Variants in CACNG2 observed in about 807,000 individuals in gnomAD.
CACNG2 encodes the protein calcium voltage-gated channel auxiliary subunit gamma 2.
In CACNG2, 3 loss-of-function variants were observed where a neutral mutation model predicts 25.9. The ratio of observed to expected loss-of-function variants is 0.12; its 90% confidence interval spans 0.05 to 0.30. The LOEUF (loss-of-function observed/expected upper bound fraction) is 0.30. CACNG2 is among the 10% of genes least tolerant of loss of function. CACNG2 has a pLI of 1.00. For synonymous variants in CACNG2, 167 were observed against 173.3 expected, an observed-to-expected ratio of 0.96 and a Z score of 0.29; for missense variants, 341 against 432.5, an observed-to-expected ratio of 0.79 and a Z score of 1.88.
chr22:36,644,532 G>A (rs776480915), intron 1 of CACNG2, among the ~76,000 whole-genome samples: 2 of 152,168 alleles, frequency 1.3e-5, no homozygotes, highest in Non-Finnish European at 2.9e-5. Context: ...AGCAGATTGC[G>A]AAGACAAACT....
chr22:36,687,341 T>C (rs1405659164), intron 1 of CACNG2, among the ~76,000 whole-genome samples: 1 of 152,272 alleles, frequency 6.6e-6, no homozygotes, highest in South Asian at 2.1e-4. Context: ...TCAAATCTAA[T>C]CTTTCTTGAT....
intron 2 of CACNG2, among the ~76,000 whole-genome samples, chr22:36,568,127 C>T (rs920850236): frequency 6.6e-6 from 1 of 152,216 alleles, no homozygotes; most frequent in Non-Finnish European, 1.5e-5. Flanking sequence ...GGATTACAGG[C>T]TTGAGCCACC....
chr22:36,657,977 G>C (rs1936732992), intron 1 of CACNG2, among the ~76,000 whole-genome samples: 1 of 152,168 alleles, frequency 6.6e-6, no homozygotes, highest in South Asian at 2.1e-4. Context: ...GTGGGCACAG[G>C]CTTTGTGTCT....
At chr22:36,648,301 A>G (rs1439090679) in intron 1 of CACNG2, among the ~76,000 whole-genome samples, 1 of 152,276 alleles carries the variant, frequency 6.6e-6, no homozygotes, top group Non-Finnish European at 1.5e-5. Flanking sequence ...AAAAGAGCAT[A>G]TGCTCTGCAA....
At chr22:36,665,867 G>C (rs1377048412) in intron 1 of CACNG2, among the ~76,000 whole-genome samples, 1 of 152,178 alleles carries the variant, frequency 6.6e-6, no homozygotes, top group African/African-American at 2.4e-5. Context: ...CCACTTCTGG[G>C]TATCTACCCA....
chr22:36,572,234 T>G (rs1461954028), intron 2 of CACNG2, among the ~76,000 whole-genome samples: 1 of 152,158 alleles, frequency 6.6e-6, no homozygotes, highest in South Asian at 2.1e-4. Context: ...ACCAGCCCCA[T>G]GAAGCCATGG....
intron 1 of CACNG2, among the ~76,000 whole-genome samples, chr22:36,661,864 G>A (rs1936801070): frequency 6.7e-6 from 1 of 149,060 alleles, no homozygotes; most frequent in Non-Finnish European, 1.5e-5. Context: ...CTGAGCCTCA[G>A]TTTCTTCACC....
intron 1 of CACNG2, among the ~76,000 whole-genome samples, chr22:36,697,918 T>C (rs545776931): frequency 6.6e-6 from 1 of 152,328 alleles, no homozygotes; most frequent in African/African-American, 2.4e-5. Flanking sequence ...ATATTTTTTT[T>C]CTTTCCTATA....
intron 1 of CACNG2, among the ~76,000 whole-genome samples, chr22:36,629,433 A>G (rs946169183): frequency 6.6e-6 from 1 of 152,136 alleles, no homozygotes; most frequent in Non-Finnish European, 1.5e-5. Flanking sequence ...AAAGTGTTAC[A>G]TACAGTGAGC....
chr22:36,666,193 C>T (rs1936872484), intron 1 of CACNG2, among the ~76,000 whole-genome samples: 2 of 152,124 alleles, frequency 1.3e-5, no homozygotes, highest in South Asian at 2.1e-4. Context: ...TCGCTTTAGC[C>T]TAGGAGTTTG....
intron 1 of CACNG2, among the ~76,000 whole-genome samples, chr22:36,589,632 T>G (rs1444423690): frequency 6.6e-6 from 1 of 152,176 alleles, no homozygotes; most frequent in Non-Finnish European, 1.5e-5. Context: ...GGACTTCTGG[T>G]CGCTTCACTG....
At chr22:36,640,241 A>G (rs551669783) in intron 1 of CACNG2, among the ~76,000 whole-genome samples, 1 of 152,340 alleles carries the variant, frequency 6.6e-6, no homozygotes, top group African/African-American at 2.4e-5. Context: ...TGCAATGACA[A>G]GCAGGAGTGA....
chr22:36,632,475 TC>T (rs1330590312), intron 1 of CACNG2, among the ~76,000 whole-genome samples: 1 of 143,464 alleles, frequency 7.0e-6, no homozygotes, highest in African/African-American at 2.5e-5. Context: ...CTCTCCTCTC[TC>T]TCTCTCTCTC....
intron 1 of CACNG2, among the ~76,000 whole-genome samples, chr22:36,699,171 ACT>A (rs1937378205): frequency 6.6e-6 from 1 of 151,728 alleles, no homozygotes; most frequent in Non-Finnish European, 1.5e-5. Context: ...CCACATACAC[ACT>A]GTCATCTCCC....
chr22:36,617,881 G>T (rs913774991), intron 1 of CACNG2, among the ~76,000 whole-genome samples: 12 of 150,602 alleles, frequency 8.0e-5, no homozygotes, highest in African/African-American at 1.2e-4. Context: ...CATTCTAAGG[G>T]TTGGTAACCA....
Position 36,583,336 on chromosome 22 carries a change from G to A in CACNG2, c.295+4129C>T, listed in dbSNP as rs542803704. Reference sequence around the variant, plus strand: ...TAATCCCAGCTACTCAGGAGGCTGAGGCAGGAGAATTGCTTGAACCCAGGA... The same window carrying A: ...TAATCCCAGCTACTCAGGAGGCTGAAGCAGGAGAATTGCTTGAACCCAGGA... On this transcript the variant is annotated intron_variant, in intron 2 of 3. Coordinates refer to ENST00000300105, the MANE Select transcript of CACNG2 (RefSeq NM_006078.5). 2.6e-4 allele frequency among the ~76,000 whole-genome samples: 39 copies of A among 152,024 alleles called. No homozygotes were observed. The South Asian group carries it at 7.7e-3, about 30-fold the overall frequency.
intron 1 of CACNG2, among the ~76,000 whole-genome samples, chr22:36,669,508 C>CAAAAAAAA (rs1157379465): frequency 4.9e-5 from 3 of 61,650 alleles, no homozygotes; most frequent in Non-Finnish European, 5.9e-5. Flanking sequence ...ACTCTATCTC[C>CAAAAAAAA]AAAAAAAAAA....
At chr22:36,625,609 T>A (rs1016931043) in intron 1 of CACNG2, among the ~76,000 whole-genome samples, 1 of 152,234 alleles carries the variant, frequency 6.6e-6, no homozygotes, top group Admixed American at 6.5e-5. Context: ...TCATCACCGA[T>A]GATAGCAGCT....
chr22:36,582,563 G>C (rs566981253), intron 2 of CACNG2, among the ~76,000 whole-genome samples: 34 of 151,854 alleles, frequency 2.2e-4, no homozygotes, highest in African/African-American at 8.2e-4. Flanking sequence ...GCACCACCAC[G>C]CCTGGCTAAA....
Sources: gnomAD v4.1 joint callset for allele counts (sites outside exome capture counted in the v4.1 genomes callset) on GRCh38, gnomAD v4.1.1 for gene constraint, MANE v1.5 for transcripts, NCBI Gene and HGNC (gene_info 2026-07-23, HGNC 2026-07-21) for gene names.